SCARB2: variants seen among roughly 807,000 people sequenced by gnomAD.
The protein encoded by SCARB2 is scavenger receptor class B member 2, also known as lysosome membrane protein 2.
SCARB2 carries 29 observed loss-of-function variants against 58.6 expected under a neutral mutation model. That is an observed-to-expected ratio of 0.49 (90% CI 0.37 to 0.67). The LOEUF (loss-of-function observed/expected upper bound fraction) is 0.67, where lower values mean the gene tolerates loss of function less well. Ranked by LOEUF, SCARB2 falls within the 30% of genes least tolerant of loss-of-function variation. SCARB2 has a pLI of 0.00. For synonymous variants in SCARB2, 195 were observed against 210.1 expected (o/e 0.93, Z 0.62); for missense variants, 488 against 578.5 (o/e 0.84, Z 1.60).
At chr4:76,213,329 T>G (rs1733102762) in intron 1 of SCARB2, 98 bp downstream of exon 1, 1 of 835,882 alleles carries the variant, frequency 1.2e-6, no homozygotes. Flanking sequence ...GCGGAGGGTC[T>G]GCCTGAGTGC....
At position 76,168,926 on chromosome 4, in the gene SCARB2, C is replaced by T. The variant is rs544089416; in HGVS notation, c.1114-450G>A. On this transcript the variant is annotated intron_variant, in intron 8 of 11. Transcript: ENST00000264896. The stretch of plus-strand genomic sequence containing the variant: ...GAGAGTGGCATCCTAGTATAGGGCC[C>T]GCCTAGCGTAGCCATGGGGCACAGC... 2.9e-4 allele frequency among the ~76,000 whole-genome samples: 44 copies of T among 152,298 alleles called. 1 individual carries two copies. The South Asian group carries it at 8.5e-3, about 29-fold the overall frequency.
intron 10 of SCARB2, 157 bp downstream of exon 10, chr4:76,166,093 T>G: frequency 2.5e-6 from 2 of 789,534 alleles, no homozygotes; most frequent in South Asian, 1.5e-5. Context: ...ACAGGCAGAT[T>G]CATGTGAACA....
Position 76,169,915 on chromosome 4 carries a change from G to A in SCARB2, c.1065C>T (p.Gly355=), listed in dbSNP as rs764308519. 1 of 1,614,076 alleles carries A rather than the reference G, an allele frequency of 6.2e-7. No homozygotes were observed. The highest frequency in any genetic ancestry group is 2.2e-5 in the East Asian group (1 of 44,866). The change falls in exon 8 of 12, where the codon GGC becomes GGT. Residue 355 remains glycine, a synonymous_variant. Transcript: ENST00000264896. ...CATGGTCTTCCTGATTTGGGTGCATGCCTTCTATGGCAGAAACAAACCTCT... is the reference window on the plus strand; with the variant it reads ...CATGGTCTTCCTGATTTGGGTGCATACCTTCTATGGCAGAAACAAACCTCT... ...ADERFVSAIE[G]MHPNQEDHET...
chr4:76,225,335 C>CAGCGA (rs1364205707), intron 1 of SCARB2, among the ~76,000 whole-genome samples: 1 of 152,206 alleles, frequency 6.6e-6, no homozygotes, highest in Non-Finnish European at 1.5e-5. Context: ...ATCATATCAT[C>CAGCGA]AGCGAACAGT....
At chr4:76,163,601 G>C in intron 10 of SCARB2, 1 of 593,668 alleles carries the variant, frequency 1.7e-6, no homozygotes, top group Non-Finnish European at 3.0e-6. Flanking sequence ...TCTTAAAATA[G>C]ATTGGAAAAA....
chr4:76,226,266 G>T (rs747100242), intron 1 of SCARB2, among the ~76,000 whole-genome samples: 1 of 152,088 alleles, frequency 6.6e-6, no homozygotes, highest in Non-Finnish European at 1.5e-5. Flanking sequence ...TGGACATGGG[G>T]GTAAACAGGT....
intron 2 of SCARB2, among the ~76,000 whole-genome samples, chr4:76,184,288 A>G (rs1732443129): frequency 6.6e-6 from 1 of 152,318 alleles, no homozygotes; most frequent in Non-Finnish European, 1.5e-5. Flanking sequence ...CGCCTGTAGG[A>G]TGAAACCAGC....
At position 76,213,581 on chromosome 4, in the gene SCARB2, G is replaced by A. The variant is rs770667133; in HGVS notation, c.-38C>T. On this transcript the variant is annotated 5_prime_UTR_variant, in exon 1 of 12. Coordinates refer to ENST00000264896, the MANE Select transcript of SCARB2 (RefSeq NM_005506.4). ...TCACGGGCCGGGCCGGGCCGCACCCGCCAGGGATCCAACTGCAAGGAGGGA... is the reference window on the plus strand; with the variant it reads ...TCACGGGCCGGGCCGGGCCGCACCCACCAGGGATCCAACTGCAAGGAGGGA... 37 of 1,554,220 alleles carry A rather than the reference G, an allele frequency of 2.4e-5. No individual in the cohort carries two copies. Among genetic ancestry groups the A allele is most frequent in the Non-Finnish European group, 2.8e-5 (32 of 1,131,036 alleles).
Position 76,169,952 on chromosome 4 carries a change from T to C in SCARB2, c.1028A>G (p.Tyr343Cys), listed in dbSNP as rs1171627925. The stretch of plus-strand genomic sequence containing the variant: ...AGAAACAAACCTCTCATCTGCTTGG[T>C]AAAAGTGTGGGAAAGACATAATGAT... ...APIIMSFPHFYQADERFVSAI... is the reference protein window; with the variant it reads ...APIIMSFPHFCQADERFVSAI... Residue 343 changes from tyrosine to cysteine, a missense_variant, in exon 8 of 12, where the codon TAC (tyrosine) becomes TGC (cysteine). Physicochemically the swap from Tyr to Cys is radical, Grantham distance 194. Transcript: ENST00000264896. 6.2e-7 allele frequency: 1 copy of C among 1,613,966 alleles called. No homozygotes were observed. Among genetic ancestry groups the C allele is most frequent in the South Asian group, 1.1e-5 (1 of 91,084 alleles).
chr4:76,163,254 C>G lies in SCARB2; in HGVS notation c.1369G>C (p.Ala457Pro), dbSNP rs757381866. The G allele has an allele frequency of 4.3e-6, 7 of 1,614,020 alleles. No homozygotes were observed. Among genetic ancestry groups the G allele is most frequent in the Non-Finnish European group, 8.5e-7 (1 of 1,180,034 alleles). The part of the protein sequence containing the change: ...VFFGLVFTWL[A>P]CKGQGSMDEG... Reference sequence around the variant, plus strand: ...TCCATGGATCCCTGTCCTTTGCATGCAAGCCAGGTAAAAACCAAACCAAAG... The same window carrying G: ...TCCATGGATCCCTGTCCTTTGCATGGAAGCCAGGTAAAAACCAAACCAAAG... Residue 457 changes from alanine to proline, a missense_variant, in exon 11 of 12, where the codon GCA (alanine) becomes CCA (proline). Ala to Pro is a conservative substitution (Grantham distance 27). Transcript: ENST00000264896.
At chr4:76,224,917 C>T (rs982229032) in intron 1 of SCARB2, among the ~76,000 whole-genome samples, 2 of 152,014 alleles carry the variant, frequency 1.3e-5, no homozygotes, top group African/African-American at 2.4e-5. Flanking sequence ...ACCCTTCCCC[C>T]CAAGTCCCCA....
rs536426142 is a variant in SCARB2 at position 76,213,813 on chromosome 4, G to C, written c.-270C>G. ...GCAGCCGTGGCGCCCGCCTAGCGCA[G>C]CTCGGGAGAGTGCAGGGAGCGCGCA... On this transcript the variant is annotated 5_prime_UTR_variant, in exon 1 of 12. Transcript: ENST00000264896. The C allele has an allele frequency of 2.3e-5, 8 of 345,392 alleles. No individual in the cohort carries two copies. In the East Asian group the frequency reaches 5.4e-4, roughly 23 times the overall value. The allele number at this position is 345,392 out of a possible 1,614,324, so 21.4% of individuals were successfully genotyped here. A position where few individuals can be genotyped will look rare whatever the true frequency, so the allele number is the denominator to read the frequency against.
At chr4:76,189,140 T>C (rs987191831) in intron 2 of SCARB2, among the ~76,000 whole-genome samples, 4 of 152,208 alleles carry the variant, frequency 2.6e-5, no homozygotes, top group African/African-American at 9.7e-5. Context: ...ATTCATTAAA[T>C]AGTAGACAGT....
chr4:76,175,256 A>G (rs1448226759), intron 6 of SCARB2: 1 of 160,084 alleles, frequency 6.2e-6, no homozygotes, highest in East Asian at 1.8e-4. Flanking sequence ...TCTTGATTCC[A>G]TTCCTTCTCT....
chr4:76,190,185 T>C (rs1732575239), intron 2 of SCARB2, among the ~76,000 whole-genome samples: 1 of 152,020 alleles, frequency 6.6e-6, no homozygotes, highest in African/African-American at 2.4e-5. Context: ...ATTTTTTGTA[T>C]TTTTGTTAAA....
chr4:76,208,776 G>A (rs1411258679), intron 1 of SCARB2, among the ~76,000 whole-genome samples: 2 of 152,220 alleles, frequency 1.3e-5, no homozygotes, highest in African/African-American at 2.4e-5. Context: ...GCTAGTTTGA[G>A]TAGGCCTCAA....
chr4:76,215,175 A>G (rs1233838227), upstream of SCARB2, among the ~76,000 whole-genome samples: 1 of 151,906 alleles, frequency 6.6e-6, no homozygotes, highest in African/African-American at 2.4e-5. Context: ...TCAGCAGTTG[A>G]GGCGGAGCCA....
chr4:76,167,541 CCT>C (rs1732033068), intron 9 of SCARB2, among the ~76,000 whole-genome samples: 2 of 152,114 alleles, frequency 1.3e-5, no homozygotes, highest in Non-Finnish European at 2.9e-5. Context: ...GCAAAAGCTC[CCT>C]GAGGCATCCC....
At chr4:76,222,226 T>TC (rs1323466025) in intron 1 of SCARB2, among the ~76,000 whole-genome samples, 2 of 151,584 alleles carry the variant, frequency 1.3e-5, no homozygotes, top group Non-Finnish European at 2.9e-5. Flanking sequence ...TTTCCTATCT[T>TC]CTTTTTTTTT....
Sources: allele counts gnomAD v4.1 joint callset (sites outside exome capture counted in the v4.1 genomes callset), GRCh38; gene constraint gnomAD v4.1.1; transcripts MANE v1.5; gene names NCBI Gene and HGNC (gene_info 2026-07-23, HGNC 2026-07-21).